The following SUZ12 variants were observed in gnomAD, a reference collection of about 807,000 sequenced individuals.
SUZ12 encodes SUZ12 polycomb repressive complex 2 subunit, also known as polycomb protein SUZ12.
A neutral mutation model predicts 87.3 loss-of-function variants in SUZ12; 17 were observed. The ratio of observed to expected loss-of-function variants is 0.19; its 90% CI spans 0.13 to 0.29. The LOEUF is 0.29. Ranked by LOEUF, SUZ12 falls within the 10% of genes least tolerant of loss-of-function variation. SUZ12 has a pLI of 1.00. For missense variants in SUZ12, 526 were observed against 912.2 expected (o/e 0.58, Z 5.45); for synonymous variants, 253 against 312.4 (o/e 0.81, Z 2.01).
intron 8 of SUZ12, among the ~76,000 whole-genome samples, chr17:31,982,747 T>C (rs1380287070): frequency 6.6e-6 from 1 of 152,338 alleles, no homozygotes; most frequent in Non-Finnish European, 1.5e-5. Context: ...CTCAGGCATA[T>C]TATACTTTAC....
chr17:31,981,023 G>A (rs1328812146), intron 8 of SUZ12, among the ~76,000 whole-genome samples: 1 of 150,016 alleles, frequency 6.7e-6, no homozygotes, highest in Non-Finnish European at 1.5e-5. Flanking sequence ...CACAGCGACT[G>A]TCAAAAAAAA....
intron 4 of SUZ12, among the ~76,000 whole-genome samples, chr17:31,950,608 C>T (rs910031108): frequency 1.3e-4 from 20 of 151,994 alleles, no homozygotes; most frequent in African/African-American, 4.6e-4. Context: ...CCCTTGAACC[C>T]GGGAGGCAGA....
intron 9 of SUZ12, among the ~76,000 whole-genome samples, chr17:31,985,777 C>T (rs1250005056): frequency 1.3e-5 from 2 of 152,014 alleles, no homozygotes; most frequent in African/African-American, 4.8e-5. Context: ...ATTCTCCAGC[C>T]TCAGCCTCCT....
At chr17:31,991,633 C>G (rs1409816532) in intron 10 of SUZ12, among the ~76,000 whole-genome samples, 1 of 151,892 alleles carries the variant, frequency 6.6e-6, no homozygotes, top group Non-Finnish European at 1.5e-5. Flanking sequence ...GAGACGGAGT[C>G]TTGCTCCGTC....
chr17:31,937,967 C>T (rs1268060657), intron 1 of SUZ12, among the ~76,000 whole-genome samples: 1 of 144,212 alleles, frequency 6.9e-6, no homozygotes, highest in African/African-American at 2.6e-5. Flanking sequence ...AGAAAGTGTC[C>T]TTAGTCTGAA....
At chr17:31,972,756 C>T (rs1007886096) in intron 5 of SUZ12, among the ~76,000 whole-genome samples, 5 of 149,566 alleles carry the variant, frequency 3.3e-5, no homozygotes, top group African/African-American at 9.9e-5. Flanking sequence ...TGGTGGCTCA[C>T]GCCTGTAATC....
intron 10 of SUZ12, among the ~76,000 whole-genome samples, chr17:31,989,072 AAAAT>A (rs892814851): frequency 1.3e-5 from 2 of 151,924 alleles, no homozygotes; most frequent in Non-Finnish European, 2.9e-5. Context: ...CATCTCAAAA[AAAAT>A]AAATAAAAGT....
At chr17:31,953,434 G>T (rs1350298643) in intron 4 of SUZ12, among the ~76,000 whole-genome samples, 1 of 151,920 alleles carries the variant, frequency 6.6e-6, no homozygotes, top group Non-Finnish European at 1.5e-5. Context: ...TTGAGACAAG[G>T]TCTCGCTTTG....
At chr17:31,942,528 G>T (rs1906363794) in intron 3 of SUZ12, among the ~76,000 whole-genome samples, 1 of 151,864 alleles carries the variant, frequency 6.6e-6, no homozygotes, top group South Asian at 2.1e-4. Flanking sequence ...ATGAAGTTGG[G>T]GTTTTACCAT....
intron 5 of SUZ12, among the ~76,000 whole-genome samples, chr17:31,968,302 C>T (rs148047851): frequency 3.2e-4 from 49 of 152,112 alleles, no homozygotes; most frequent in African/African-American, 1.1e-3. Flanking sequence ...GGCTGGAGTG[C>T]AGTGGTGTGA....
At chr17:31,978,205 A>T (rs943211997) in intron 8 of SUZ12, among the ~76,000 whole-genome samples, 4 of 151,852 alleles carry the variant, frequency 2.6e-5, no homozygotes, top group South Asian at 2.1e-4. Flanking sequence ...TTTATTTTTT[A>T]TTTATTTATT....
intron 9 of SUZ12, among the ~76,000 whole-genome samples, chr17:31,984,045 G>A (rs1470873408): frequency 9.2e-5 from 14 of 152,100 alleles, no homozygotes; most frequent in Non-Finnish European, 5.9e-5. Context: ...AGTCAATCTA[G>A]AAGGATAAGT....
intron 4 of SUZ12, among the ~76,000 whole-genome samples, chr17:31,964,626 C>G (rs1262918154): frequency 6.6e-6 from 1 of 151,994 alleles, no homozygotes; most frequent in Non-Finnish European, 1.5e-5. Flanking sequence ...AGGCTGGTCT[C>G]GAACTCCTGA....
intron 5 of SUZ12, among the ~76,000 whole-genome samples, chr17:31,968,864 A>T (rs1024725257): frequency 6.6e-6 from 1 of 152,238 alleles, no homozygotes; most frequent in African/African-American, 2.4e-5. Flanking sequence ...TTTGGAAAGT[A>T]GTCATATTAA....
At chr17:31,943,413 TA>T (rs1567811662) in intron 3 of SUZ12, among the ~76,000 whole-genome samples, 1 of 152,236 alleles carries the variant, frequency 6.6e-6, no homozygotes, top group Non-Finnish European at 1.5e-5. Flanking sequence ...TTTTGTTGAT[TA>T]AAATACAACA....
At chr17:31,972,807 A>G (rs979412594) in intron 5 of SUZ12, among the ~76,000 whole-genome samples, 2 of 149,916 alleles carry the variant, frequency 1.3e-5, no homozygotes, top group Non-Finnish European at 3.0e-5. Flanking sequence ...TGTGAGGATC[A>G]CTTGATCCCA....
chr17:31,956,095 A>G (rs368408522), intron 4 of SUZ12, among the ~76,000 whole-genome samples: 3 of 151,478 alleles, frequency 2.0e-5, no homozygotes, highest in African/African-American at 7.3e-5. Flanking sequence ...TGTATTTTTT[A>G]GTAGAGATGG....
At chr17:31,950,810 C>T (rs1045131273) in intron 4 of SUZ12, among the ~76,000 whole-genome samples, 1 of 151,688 alleles carries the variant, frequency 6.6e-6, no homozygotes, top group African/African-American at 2.4e-5. Context: ...GACGGAGTCT[C>T]GCTCTGTCAC....
In SUZ12 at chr17:32,000,632, TAAAAAAAAA is replaced by T. The variant is rs769296762; in HGVS notation, c.*1638_*1646del. On this transcript the variant is annotated 3_prime_UTR_variant, in exon 16 of 16. Transcript: ENST00000322652. ...AATTTGCTAAAGCTGTGCACATATG[TAAAAAAAAA>T]AAAAAAAAGATTATTTTAGGGGAGA... The T allele has an allele frequency of 1.6e-5, 3 of 188,962 alleles. No homozygotes were observed. Among genetic ancestry groups the T allele is most frequent in the Non-Finnish European group, 3.1e-5 (3 of 95,818 alleles). The allele number at this position is 188,962 out of a possible 1,614,324, so 11.7% of individuals were successfully genotyped here.
Sources: allele counts gnomAD v4.1 joint callset (sites outside exome capture counted in the v4.1 genomes callset), GRCh38; gene constraint gnomAD v4.1.1; transcripts MANE v1.5; gene names NCBI Gene and HGNC (gene_info 2026-07-23, HGNC 2026-07-21).